Variants in KLF13 observed in about 807,000 individuals in gnomAD.
KLF13 encodes Krueppel-like factor 13.
Under a neutral mutation model 16.7 loss-of-function variants are expected in KLF13, and 8 were observed. The ratio of observed to expected loss-of-function variants is 0.48; its 90% CI spans 0.28 to 0.87. The LOEUF is 0.87. Among genes scored for constraint, KLF13 ranks in the 40% least tolerant of loss-of-function variants. The pLI is 0.10. For missense variants in KLF13, 447 were observed against 452.2 expected (o/e 0.99, Z 0.10); for synonymous variants, 245 against 208.4 (o/e 1.18, Z -1.51).
At chr15:31,420,558 T>C (rs1402243659) in intron 1 of KLF13, 2 of 501,588 alleles carry the variant, frequency 4.0e-6, no homozygotes, top group Non-Finnish European at 3.7e-6. Flanking sequence ...GAACCCAACA[T>C]TGATAGCCCT....
chr15:31,411,774 C>T (rs759259823), intron 1 of KLF13, among the ~76,000 whole-genome samples: 10 of 152,030 alleles, frequency 6.6e-5, no homozygotes, highest in South Asian at 6.2e-4. Flanking sequence ...ACAGTATTCA[C>T]AATCTATTTA....
intron 1 of KLF13, among the ~76,000 whole-genome samples, chr15:31,419,504 C>T (rs564957461): frequency 3.2e-4 from 49 of 151,868 alleles, no homozygotes; most frequent in Non-Finnish European, 4.9e-4. Flanking sequence ...ATTCCAGAGC[C>T]GAAGATTGCA....
intron 1 of KLF13, among the ~76,000 whole-genome samples, chr15:31,417,790 C>T (rs2040272299): frequency 6.6e-6 from 1 of 152,088 alleles, no homozygotes; most frequent in African/African-American, 2.4e-5. Context: ...AGGTGATCTG[C>T]CTGCCTCAGC....
intron 1 of KLF13, among the ~76,000 whole-genome samples, chr15:31,353,301 G>A (rs187976129): frequency 1.3e-5 from 2 of 152,188 alleles, no homozygotes; most frequent in Admixed American, 6.5e-5. Context: ...TCACGCCCAC[G>A]TTAAGTGCGT....
chr15:31,333,846 A>G (rs1230033236), intron 1 of KLF13, among the ~76,000 whole-genome samples: 2 of 152,066 alleles, frequency 1.3e-5, no homozygotes, highest in African/African-American at 2.4e-5. Flanking sequence ...TTGTAGAACA[A>G]CTCACAATGT....
chr15:31,342,016 C>G (rs887275839), intron 1 of KLF13, among the ~76,000 whole-genome samples: 1 of 152,142 alleles, frequency 6.6e-6, no homozygotes, highest in African/African-American at 2.4e-5. Context: ...TCACGTGTTA[C>G]CAGGTAACCA....
intron 1 of KLF13, among the ~76,000 whole-genome samples, chr15:31,354,210 G>A (rs1006997568): frequency 6.6e-6 from 1 of 151,754 alleles, no homozygotes; most frequent in Non-Finnish European, 1.5e-5. Context: ...ATGGGACTTT[G>A]CCTGCCTGGG....
chr15:31,413,209 A>AAAAAAAAAC (rs2040217811), intron 1 of KLF13, among the ~76,000 whole-genome samples: 1 of 150,728 alleles, frequency 6.6e-6, no homozygotes, highest in Non-Finnish European at 1.5e-5. Flanking sequence ...AAAACAAAAA[A>AAAAAAAAAC]CAAAAAAACC....
intron 1 of KLF13, among the ~76,000 whole-genome samples, chr15:31,419,370 A>G (rs963983205): frequency 2.0e-5 from 3 of 152,232 alleles, no homozygotes; most frequent in Non-Finnish European, 4.4e-5. Flanking sequence ...ATTGTCTTAA[A>G]GAACTTCAAT....
chr15:31,350,934 A>C (rs944792333), intron 1 of KLF13, among the ~76,000 whole-genome samples: 1 of 152,258 alleles, frequency 6.6e-6, no homozygotes, highest in African/African-American at 2.4e-5. Context: ...GTGTAAGAAC[A>C]TGATGATGAC....
chr15:31,410,187 T>A (rs1014034993), intron 1 of KLF13, among the ~76,000 whole-genome samples: 4 of 152,012 alleles, frequency 2.6e-5, no homozygotes, highest in African/African-American at 9.7e-5. Context: ...AGACTCTGAT[T>A]AATAAAAATA....
At chr15:31,382,715 C>A (rs2140976701), downstream of KLF13, among the ~76,000 whole-genome samples, 1 of 152,322 alleles carries the variant, frequency 6.6e-6, no homozygotes, top group African/African-American at 2.4e-5. Flanking sequence ...CTGTGAGGTT[C>A]AGACCTCCCT....
Position 31,327,520 on chromosome 15 carries a change from C to G in KLF13, c.308C>G (p.Pro103Arg). Residue 103 changes from proline to arginine, a missense_variant, in exon 1 of 2, where the codon CCC becomes CGC. Around this residue, in one of 2 missense-constraint regions of KLF13, gnomAD observed 359 missense variants for 282.8 expected, o/e 1.27. Transcript: ENST00000307145. Reference sequence around the variant, plus strand: ...CCCTGCCGCCTGCCGCCGCCCGCCCCCGAGCCCACCTCCCCCGGCGCCGAA... The same window carrying G: ...CCCTGCCGCCTGCCGCCGCCCGCCCGCGAGCCCACCTCCCCCGGCGCCGAA... ...RTPCRLPPPAPEPTSPGAEGA... is the reference protein window; with the variant it reads ...RTPCRLPPPAREPTSPGAEGA... 1 of 1,127,428 alleles carries G rather than the reference C, an allele frequency of 8.9e-7. No individual in the cohort carries two copies. The highest frequency in any genetic ancestry group is 1.7e-5 in the African/African-American group (1 of 60,354). 69.8% of individuals were successfully genotyped at this position (1,127,428 alleles called of 1,614,324 possible).
rs200426773 is a variant in KLF13 at position 31,327,813 on chromosome 15, C to T, written c.577+24C>T. On this transcript the variant is annotated intron_variant, in intron 1 of 1. Transcript: ENST00000307145. ...AGGTCAGTGGGGCGGCGCGGGCGCC[C>T]GGATCGCGCGGACGGGGTCGGCGCG... 1,118 of 1,436,000 alleles carry T rather than the reference C, an allele frequency of 7.8e-4. 2 individuals carry two copies. In the African/African-American group the frequency reaches 0.013, roughly 16 times the overall value. 89.0% of individuals were successfully genotyped at this position (1,436,000 alleles called of 1,614,324 possible).
chr15:31,427,463 T>G (rs891257461), intron 1 of KLF13, among the ~76,000 whole-genome samples: 1 of 152,134 alleles, frequency 6.6e-6, no homozygotes, highest in African/African-American at 2.4e-5. Context: ...ACCTGACTTC[T>G]GAGTATAGAT....
intron 1 of KLF13, among the ~76,000 whole-genome samples, chr15:31,370,427 T>C (rs1224214996): frequency 6.7e-6 from 1 of 149,938 alleles, no homozygotes; most frequent in African/African-American, 2.4e-5. Flanking sequence ...TGTTTTTGCT[T>C]TTTTTTTTTG....
At chr15:31,409,980 T>C (rs1212831708) in intron 1 of KLF13, among the ~76,000 whole-genome samples, 2 of 152,102 alleles carry the variant, frequency 1.3e-5, no homozygotes, top group Non-Finnish European at 2.9e-5. Context: ...TAAAATAAAG[T>C]CTATTTAAAA....
At chr15:31,380,758 G>C (rs1345933779), downstream of KLF13, among the ~76,000 whole-genome samples, 1 of 152,216 alleles carries the variant, frequency 6.6e-6, no homozygotes, top group Non-Finnish European at 1.5e-5. Flanking sequence ...ACTCCTGGCA[G>C]GGCTGCTATC....
At chr15:31,370,611 G>T (rs529652754) in intron 1 of KLF13, among the ~76,000 whole-genome samples, 1 of 151,858 alleles carries the variant, frequency 6.6e-6, no homozygotes, top group Admixed American at 6.6e-5. Flanking sequence ...TAGAGACGGG[G>T]TTTCACCATG....
Sources: gnomAD v4.1 joint callset for allele counts (sites outside exome capture counted in the v4.1 genomes callset) on GRCh38, gnomAD v4.1.1 for gene constraint, gnomAD v4.1.1 regional missense constraint, MANE v1.5 for transcripts, NCBI Gene and HGNC (gene_info 2026-07-23, HGNC 2026-07-21) for gene names.